USP35: variants seen among roughly 807,000 people sequenced by gnomAD.
USP35 encodes the protein ubiquitin carboxyl-terminal hydrolase 35.
Under a neutral mutation model 83.8 loss-of-function variants are expected in USP35, and 69 were observed. The ratio of observed to expected loss-of-function variants is 0.82; its 90% CI spans 0.68 to 1.01. The LOEUF is 1.01. Ranked by LOEUF, USP35 falls within the 50% of genes least tolerant of loss-of-function variation. The probability of loss-of-function intolerance (pLI) is 0.00; values close to 1 mark genes in which losing one functional copy is unlikely to be tolerated. For missense variants in USP35, 1,503 were observed against 1,362.5 expected, an observed-to-expected ratio of 1.10 and a Z score of -1.62; for synonymous variants, 714 against 589.5, an observed-to-expected ratio of 1.21 and a Z score of -3.06.
chr11:78,192,983 C>A (rs1292471702), intron 1 of USP35, among the ~76,000 whole-genome samples: 1 of 152,096 alleles, frequency 6.6e-6, no homozygotes, highest in Non-Finnish European at 1.5e-5. Flanking sequence ...ACACATGATG[C>A]CAGTGCCTCA....
chr11:78,225,100 A>G, the USP35 span: 2 of 1,596,612 alleles, frequency 1.3e-6, no homozygotes, highest in South Asian at 2.2e-5. Flanking sequence ...GGGTTAACCC[A>G]CACTCACCAG....
chr11:78,200,574 C>T, intron 5 of USP35, 76 bp from the exon 6 acceptor site: 1 of 1,530,064 alleles, frequency 6.5e-7, no homozygotes, highest in Non-Finnish European at 8.8e-7. Flanking sequence ...GTGTTGCGTG[C>T]TGTCAGCAGG....
intron 1 of USP35, among the ~76,000 whole-genome samples, chr11:78,195,059 A>G (rs1447791216): frequency 6.6e-6 from 1 of 152,148 alleles, no homozygotes; most frequent in South Asian, 2.1e-4. Flanking sequence ...CGGTGAGCCA[A>G]GGGTGACAGG....
At chr11:78,192,640 G>A (rs1394347285) in intron 1 of USP35, among the ~76,000 whole-genome samples, 5 of 152,164 alleles carry the variant, frequency 3.3e-5, no homozygotes, top group African/African-American at 9.7e-5. Context: ...AGAGGCTGCC[G>A]GCTGGCCTTG....
At chr11:78,232,489 A>G in the USP35 span, among the ~76,000 whole-genome samples, 1 of 152,178 alleles carries the variant, frequency 6.6e-6, no homozygotes, top group African/African-American at 2.4e-5. Flanking sequence ...AAAGAACTCT[A>G]TTTGTCTTGA....
At chr11:78,220,691 T>A in the USP35 span, among the ~76,000 whole-genome samples, 1 of 152,186 alleles carries the variant, frequency 6.6e-6, no homozygotes, top group African/African-American at 2.4e-5. Flanking sequence ...AGAAGTGACT[T>A]TGCCTGTGGC....
At chr11:78,226,557 C>G in the USP35 span, 2 of 1,583,134 alleles carry the variant, frequency 1.3e-6, no homozygotes, top group African/African-American at 1.4e-5. Context: ...GATTGGCGGT[C>G]TCTGCTGAGG....
chr11:78,199,052 T>C (rs1863254033), intron 3 of USP35: 1 of 156,736 alleles, frequency 6.4e-6, no homozygotes, highest in South Asian at 1.9e-4. Context: ...GGCTGTGTTG[T>C]GGGGTCCAGA....
intron 1 of USP35, among the ~76,000 whole-genome samples, chr11:78,190,683 A>G (rs1051244152): frequency 1.3e-5 from 2 of 152,218 alleles, no homozygotes; most frequent in African/African-American, 4.8e-5. Context: ...AGGGCCTTGG[A>G]GGCCAGAACT....
rs1379640709 is a variant in USP35, at chr11:78,210,713, C to T, written c.2858C>T (p.Ala953Val). The change falls in exon 10 of 11, where the codon GCC (alanine) becomes GTC (valine). Residue 953 changes from alanine (A) to valine (V), a missense_variant. Transcript: ENST00000529308. The stretch of plus-strand genomic sequence containing the variant: ...ACCCTGCACAAGGACTTGATGGAAG[C>T]CATTTCCAAAGACAACATCCTTTAC... ...EPTLHKDLME[A>V]ISKDNILYLQ... 1 of 1,572,608 alleles carries T rather than the reference C, an allele frequency of 6.4e-7. No individual in the cohort carries two copies. Among genetic ancestry groups the T allele is most frequent in the South Asian group, 1.1e-5 (1 of 87,242 alleles).
chr11:78,191,934 C>T (rs1863018323), intron 1 of USP35, among the ~76,000 whole-genome samples: 1 of 151,388 alleles, frequency 6.6e-6, no homozygotes, highest in East Asian at 1.9e-4. Context: ...AGCTCCGCCT[C>T]CTGGGTTCAC....
chr11:78,197,806 A>G (rs1383831946), intron 2 of USP35, 130 bp from the exon 3 acceptor site: 1 of 1,312,828 alleles, frequency 7.6e-7, no homozygotes, highest in East Asian at 2.5e-5. Context: ...TTGCTATAGG[A>G]GAGGAGGTGG....
rs1863162352 is a variant in USP35 at position 78,196,812 on chromosome 11, A to AGAGCAGGCCCAGCAGGT, written c.572_588dup (p.Gly197ArgfsTer5). 1 of 1,533,682 alleles carries AGAGCAGGCCCAGCAGGT rather than the reference A, an allele frequency of 6.5e-7. No individual in the cohort carries two copies. The highest frequency in any genetic ancestry group is 2.4e-5 in the East Asian group (1 of 40,848). Reference sequence around the variant, plus strand: ...GCGAGGAGGGCGCCGTGGAGTTCCTAGAGCAGGCCCAGCAGGTGAGCGGGC... The same window carrying AGAGCAGGCCCAGCAGGT: ...GCGAGGAGGGCGCCGTGGAGTTCCTAGAGCAGGCCCAGCAGGTGAGCAGGCCCAGCAGGTGAGCGGGC... On this transcript the variant is annotated frameshift_variant, in exon 2 of 11. Coordinates refer to ENST00000529308, the MANE Select transcript of USP35 (RefSeq NM_020798.4). LOFTEE classifies it high-confidence loss of function. The surrounding 1 kb of genome is among the most constrained non-coding windows in gnomAD (Gnocchi z 4.8).
chr11:78,220,544 C>G, the USP35 span: 1 of 989,526 alleles, frequency 1.0e-6, no homozygotes, highest in Non-Finnish European at 1.5e-6. Flanking sequence ...TTCCCTGAGC[C>G]CTACTCTGAC....
chr11:78,208,815 GCCT>G (rs1317044232), intron 8 of USP35, 39 bp from the exon 9 acceptor site: 4 of 1,607,786 alleles, frequency 2.5e-6, no homozygotes, highest in Non-Finnish European at 3.4e-6. Context: ...CTGGTGAGTG[GCCT>G]CCTGCTCCTG....
intron 1 of USP35, among the ~76,000 whole-genome samples, chr11:78,195,340 T>G (rs2450132): frequency 0.68 from 103,489 of 151,912 alleles, 35,821 homozygotes; most frequent in Middle Eastern, 0.76. Context: ...AGCATGGTGG[T>G]CGTGGGGGCC....
chr11:78,194,972 C>T (rs1863100164), intron 1 of USP35, among the ~76,000 whole-genome samples: 1 of 152,132 alleles, frequency 6.6e-6, no homozygotes, highest in Non-Finnish European at 1.5e-5. Flanking sequence ...GTGAGGCTTC[C>T]TTGATGAAGT....
chr11:78,213,701 C>G lies in USP35; in HGVS notation c.2945C>G (p.Ser982Cys), dbSNP rs756205743. The G allele has an allele frequency of 2.0e-6, 3 of 1,531,138 alleles. No homozygotes were observed. The highest frequency in any genetic ancestry group is 4.9e-5 in the Admixed American group (2 of 40,680). 94.8% of individuals were successfully genotyped at this position (1,531,138 alleles called of 1,614,324 possible). ...GCCTACATCTCTGCACTCCCCACAT[C>G]TCCGCACTGGGGGAGGGGCTTTGAT... ...RAAYISALPT[S>C]PHWGRGFDED... Residue 982 changes from serine to cysteine, a missense_variant, in exon 11 of 11, where the codon TCT becomes TGT. Ser to Cys is a moderately radical substitution (Grantham distance 112). Transcript: ENST00000529308.
At chr11:78,208,804 G>A (rs1020205465) in intron 8 of USP35, 53 bp from the exon 9 acceptor site, 1 of 1,594,196 alleles carries the variant, frequency 6.3e-7, no homozygotes, top group African/African-American at 1.3e-5. Context: ...TGCAGAGCTG[G>A]CTGGTGAGTG....
Sources: gnomAD v4.1 joint callset for allele counts (sites outside exome capture counted in the v4.1 genomes callset) on GRCh38, gnomAD v4.1.1 for gene constraint, Gnocchi (gnomAD v3.1) non-coding constraint, MANE v1.5 for transcripts, NCBI Gene and HGNC (gene_info 2026-07-23, HGNC 2026-07-21) for gene names.